CNTN5: variants seen among roughly 807,000 people sequenced by gnomAD.
CNTN5 encodes contactin 5.
In CNTN5, 77 loss-of-function variants were observed where a neutral mutation model predicts 129.1. That is an observed-to-expected ratio of 0.60 (90% CI 0.50 to 0.72). CNTN5 has a LOEUF of 0.72. Among genes scored for constraint, CNTN5 ranks in the 30% least tolerant of loss-of-function variants. The pLI is 0.00. For synonymous variants in CNTN5, 509 were observed against 465.6 expected, an observed-to-expected ratio of 1.09 and a Z score of -1.20; for missense variants, 1,478 against 1,328.8, an observed-to-expected ratio of 1.11 and a Z score of -1.75.
At chr11:99,759,044 G>A (rs556932560) in intron 3 of CNTN5, among the ~76,000 whole-genome samples, 93 of 152,156 alleles carry the variant, frequency 6.1e-4, no homozygotes, top group African/African-American at 1.9e-3. Flanking sequence ...TCTATTTTAA[G>A]TCGGTACAAG....
chr11:99,495,440 A>T (rs1946189262), intron 2 of CNTN5, among the ~76,000 whole-genome samples: 1 of 152,222 alleles, frequency 6.6e-6, no homozygotes, highest in Admixed American at 6.5e-5. Flanking sequence ...TACATATCTT[A>T]TGAGATATGG....
intron 2 of CNTN5, among the ~76,000 whole-genome samples, chr11:99,504,866 C>T (rs1325324609): frequency 6.6e-6 from 1 of 152,156 alleles, no homozygotes; most frequent in Non-Finnish European, 1.5e-5. Flanking sequence ...CAGACCACAA[C>T]TTCTTGAGTG....
intron 1 of CNTN5, among the ~76,000 whole-genome samples, chr11:99,059,727 T>C (rs1378905393): frequency 9.9e-5 from 15 of 152,120 alleles, no homozygotes; most frequent in Admixed American, 9.8e-4. Flanking sequence ...TTTCATCTTC[T>C]CTCATTAGTA....
intron 16 of CNTN5, among the ~76,000 whole-genome samples, chr11:100,239,590 A>T (rs1949693627): frequency 6.6e-6 from 1 of 152,194 alleles, no homozygotes; most frequent in Non-Finnish European, 1.5e-5. Context: ...AATAAAGAGT[A>T]GAAAGCCTTT....
At chr11:99,637,970 C>A (rs1951628119) in intron 3 of CNTN5, among the ~76,000 whole-genome samples, 1 of 152,120 alleles carries the variant, frequency 6.6e-6, no homozygotes, top group Admixed American at 6.5e-5. Flanking sequence ...TATAGTCATG[C>A]ATCTCATAAT....
At chr11:99,769,901 T>C (rs1325718377) in intron 3 of CNTN5, among the ~76,000 whole-genome samples, 1 of 152,054 alleles carries the variant, frequency 6.6e-6, no homozygotes, top group Non-Finnish European at 1.5e-5. Flanking sequence ...CCTTATCAAC[T>C]CTTGTCAACT....
chr11:99,609,696 A>T (rs543601764), intron 3 of CNTN5, among the ~76,000 whole-genome samples: 77 of 152,162 alleles, frequency 5.1e-4, no homozygotes, highest in Non-Finnish European at 9.3e-4. Context: ...GAGATAAGAT[A>T]GGTATCATCA....
intron 2 of CNTN5, among the ~76,000 whole-genome samples, chr11:99,332,406 G>T (rs535836416): frequency 1.1e-4 from 16 of 152,054 alleles, no homozygotes; most frequent in African/African-American, 3.9e-4. Context: ...TTAAAGCTTG[G>T]TATTGTATCT....
At chr11:100,300,538 A>G (rs1270107879) in intron 20 of CNTN5, among the ~76,000 whole-genome samples, 1 of 151,578 alleles carries the variant, frequency 6.6e-6, no homozygotes, top group Non-Finnish European at 1.5e-5. Context: ...AGTATTATTC[A>G]TAATTAATTA....
At chr11:100,107,106 C>A (rs12276812) in intron 13 of CNTN5, among the ~76,000 whole-genome samples, 1,717 of 152,182 alleles carry the variant, frequency 0.011, 37 homozygotes, top group African/African-American at 0.039. Context: ...AGTTTTGAAC[C>A]TAGCTTAGAC....
At chr11:99,873,009 C>T (rs1453716608) in intron 6 of CNTN5, among the ~76,000 whole-genome samples, 7 of 151,960 alleles carry the variant, frequency 4.6e-5, no homozygotes, top group African/African-American at 1.7e-4. Context: ...TTCATTTTTA[C>T]CCTTATAAAT....
intron 3 of CNTN5, among the ~76,000 whole-genome samples, chr11:99,720,444 T>C (rs917604266): frequency 1.3e-5 from 2 of 152,050 alleles, no homozygotes; most frequent in African/African-American, 4.8e-5. Context: ...AAAATGCTTT[T>C]GATAAAATTC....
At position 99,945,341 on chromosome 11, in the gene CNTN5, G is replaced by A. The variant is rs191682844; in HGVS notation, c.674-11465G>A. On this transcript the variant is annotated intron_variant, in intron 7 of 24. Coordinates refer to ENST00000524871, the MANE Select transcript of CNTN5 (RefSeq NM_014361.4). ...AAATTGGAACAAGAATAGAATATGG[G>A]TGTATGACTGTCCTGCAAAGTCAAA... 1.6e-3 allele frequency among the ~76,000 whole-genome samples: 247 copies of A among 152,110 alleles called. 1 individual carries two copies. The highest frequency in any genetic ancestry group is 5.6e-3 in the African/African-American group (234 of 41,514).
chr11:99,796,930 G>A (rs571083091), intron 3 of CNTN5, among the ~76,000 whole-genome samples: 6 of 152,170 alleles, frequency 3.9e-5, no homozygotes, highest in Admixed American at 3.3e-4. Context: ...GGGGTCAGTT[G>A]TGAGGGCAGG....
chr11:99,528,315 A>G (rs1412711236), intron 2 of CNTN5, among the ~76,000 whole-genome samples: 1 of 152,240 alleles, frequency 6.6e-6, no homozygotes, highest in African/African-American at 2.4e-5. Flanking sequence ...CATAAACAGT[A>G]AGGTATACTA....
intron 1 of CNTN5, among the ~76,000 whole-genome samples, chr11:99,303,851 T>A (rs1864752777): frequency 6.6e-6 from 1 of 152,150 alleles, no homozygotes. Flanking sequence ...CCCACCTGCA[T>A]AATTTCTTCT....
At chr11:100,064,964 G>A (rs1463842842) in intron 10 of CNTN5, among the ~76,000 whole-genome samples, 1 of 152,086 alleles carries the variant, frequency 6.6e-6, no homozygotes, top group Non-Finnish European at 1.5e-5. Flanking sequence ...AAAGATGTGT[G>A]ATCTGTGAGT....
At chr11:100,055,433 A>G (rs374253233) in intron 9 of CNTN5, among the ~76,000 whole-genome samples, 1 of 151,544 alleles carries the variant, frequency 6.6e-6, no homozygotes, top group East Asian at 1.9e-4. Flanking sequence ...TGGAGTCATT[A>G]TTCTCCTTCT....
At chr11:100,081,150 T>C (rs1421768180) in intron 13 of CNTN5, among the ~76,000 whole-genome samples, 1 of 152,108 alleles carries the variant, frequency 6.6e-6, no homozygotes, top group East Asian at 1.9e-4. Flanking sequence ...GCTAATTTTT[T>C]ATTAGAAAAA....
Sources: gnomAD v4.1 joint callset for allele counts (sites outside exome capture counted in the v4.1 genomes callset) on GRCh38, gnomAD v4.1.1 for gene constraint, MANE v1.5 for transcripts, NCBI Gene and HGNC (gene_info 2026-07-23, HGNC 2026-07-21) for gene names.